CHRM3: variants seen among roughly 807,000 people sequenced by gnomAD.
The protein encoded by CHRM3 is muscarinic acetylcholine receptor M3.
A neutral mutation model predicts 41.8 loss-of-function variants in CHRM3; 11 were observed. The observed-to-expected ratio is 0.26, with a 90% CI of 0.17 to 0.44. The LOEUF (loss-of-function observed/expected upper bound fraction) is 0.44, where lower values mean the gene tolerates loss of function less well. Ranked by LOEUF, CHRM3 falls within the 20% of genes least tolerant of loss-of-function variation. The pLI is 1.00. For missense variants in CHRM3, 571 were observed against 745.4 expected, an observed-to-expected ratio of 0.77 and a Z score of 2.72; for synonymous variants, 297 against 301.4, an observed-to-expected ratio of 0.99 and a Z score of 0.15.
intron 6 of CHRM3, among the ~76,000 whole-genome samples, chr1:239,901,659 G>C (rs1679583027): frequency 6.6e-6 from 1 of 152,016 alleles, no homozygotes; most frequent in South Asian, 2.1e-4. Flanking sequence ...AGTATTTTTA[G>C]ATGGTTCTAA....
intron 6 of CHRM3, among the ~76,000 whole-genome samples, chr1:239,842,210 C>CTTT (rs11294705): frequency 7.8e-6 from 1 of 128,046 alleles, no homozygotes; most frequent in Non-Finnish European, 1.7e-5. Context: ...ACATGTACTT[C>CTTT]TTTTTTTTTT....
At chr1:239,780,163 A>T (rs1668403955) in intron 5 of CHRM3, among the ~76,000 whole-genome samples, 3 of 152,186 alleles carry the variant, frequency 2.0e-5, no homozygotes, top group Non-Finnish European at 4.4e-5. Flanking sequence ...TGATTGCCAG[A>T]TTGTATAGTT....
chr1:239,624,635 C>G (rs979269275), intron 3 of CHRM3, among the ~76,000 whole-genome samples: 8 of 150,488 alleles, frequency 5.3e-5, no homozygotes, highest in Non-Finnish European at 8.8e-5. Context: ...GGTTTTAGGT[C>G]TAACGTTTAA....
intron 1 of CHRM3, among the ~76,000 whole-genome samples, chr1:239,488,714 CAAAAAAAAAAAAAAAAAAAA>C (rs763682628): frequency 3.5e-4 from 16 of 46,222 alleles, no homozygotes; most frequent in South Asian, 2.9e-3. Flanking sequence ...GACTCCTTCT[CAAAAAAAAAAAAAAAAAAAA>C]AAAAAAAAAA....
chr1:239,758,606 T>C (rs187487507), intron 5 of CHRM3, among the ~76,000 whole-genome samples: 1 of 152,362 alleles, frequency 6.6e-6, no homozygotes, highest in East Asian at 1.9e-4. Flanking sequence ...ACTGAAATTA[T>C]TAAATGCTTG....
chr1:239,540,860 C>G (rs1195106945), intron 2 of CHRM3, among the ~76,000 whole-genome samples: 1 of 151,868 alleles, frequency 6.6e-6, no homozygotes, highest in East Asian at 1.9e-4. Flanking sequence ...AACTGTTTCC[C>G]TGATGTTGTG....
rs1041952099 is a variant in CHRM3, at chr1:239,824,580, T to C, written c.-146-2672T>C. On this transcript the variant is annotated intron_variant, in intron 5 of 6. Coordinates refer to ENST00000676153, the MANE Select transcript of CHRM3 (RefSeq NM_001375978.1). ...CAGTCTAAAACAATTCGCATATCTA[T>C]AAATTAGGATCACGTTTGTGTTCCT... 2.0e-5 allele frequency among the ~76,000 whole-genome samples: 3 copies of C among 152,340 alleles called. No individual in the cohort carries two copies. In the South Asian group the frequency reaches 6.2e-4, roughly 32 times the overall value.
At chr1:239,640,298 T>G (rs1408225003) in intron 4 of CHRM3, among the ~76,000 whole-genome samples, 1 of 152,148 alleles carries the variant, frequency 6.6e-6, no homozygotes, top group Non-Finnish European at 1.5e-5. Context: ...TTAGGGAGGA[T>G]TCTCTCTTTT....
intron 1 of CHRM3, among the ~76,000 whole-genome samples, chr1:239,481,255 C>T (rs527692661): frequency 6.6e-6 from 1 of 151,334 alleles, no homozygotes; most frequent in South Asian, 2.1e-4. Context: ...CAGATATACA[C>T]ACATAAAGAA....
At chr1:239,652,021 C>T (rs1163376302) in intron 4 of CHRM3, among the ~76,000 whole-genome samples, 1 of 150,942 alleles carries the variant, frequency 6.6e-6, no homozygotes, top group Non-Finnish European at 1.5e-5. Context: ...TACAAGGCCA[C>T]CAGCTATGCA....
chr1:239,620,385 C>T (rs1668224668), intron 3 of CHRM3, among the ~76,000 whole-genome samples: 1 of 152,116 alleles, frequency 6.6e-6, no homozygotes, highest in Non-Finnish European at 1.5e-5. Context: ...TAAATAGATA[C>T]ATCTGTGAAC....
intron 3 of CHRM3, chr1:239,629,619 G>A (rs141216951): frequency 1.8e-4 from 27 of 152,280 alleles, no homozygotes; most frequent in African/African-American, 6.5e-4. Context: ...ACTTTTGTGT[G>A]CACTGGGAAA....
rs183416314 is a variant in CHRM3 at position 239,636,359 on chromosome 1, G to A, written c.-250+4073G>A. ...TCCCGTGAAACAAAAGTCAGTCACT[G>A]TGCCAGGCATTTCCCTTAGCACATT... On this transcript the variant is annotated intron_variant, in intron 4 of 6. Coordinates refer to ENST00000676153, the MANE Select transcript of CHRM3 (RefSeq NM_001375978.1). Among the ~76,000 whole-genome samples the A allele has an allele frequency of 1.5e-4, 23 of 152,322 alleles. No individual in the cohort carries two copies. The East Asian group carries it at 4.4e-3, about 29-fold the overall frequency.
intron 3 of CHRM3, among the ~76,000 whole-genome samples, chr1:239,599,393 G>A (rs1200983005): frequency 2.7e-5 from 4 of 146,202 alleles, no homozygotes; most frequent in African/African-American, 5.0e-5. Context: ...AAATATTAAT[G>A]TTCTGCAGGG....
chr1:239,812,943 CG>C (rs1224728405), intron 5 of CHRM3, among the ~76,000 whole-genome samples: 1 of 152,180 alleles, frequency 6.6e-6, no homozygotes, highest in Non-Finnish European at 1.5e-5. Flanking sequence ...ATTTCCTGAA[CG>C]GTCTCTTGCA....
intron 5 of CHRM3, among the ~76,000 whole-genome samples, chr1:239,783,971 T>C (rs1280251465): frequency 6.6e-6 from 1 of 152,226 alleles, no homozygotes; most frequent in African/African-American, 2.4e-5. Flanking sequence ...TTTGGTATTC[T>C]GTTCCTGCAT....
intron 1 of CHRM3, among the ~76,000 whole-genome samples, chr1:239,482,650 C>A (rs1373229960): frequency 1.3e-5 from 2 of 152,172 alleles, no homozygotes; most frequent in Non-Finnish European, 2.9e-5. Context: ...ACCTAGCTCT[C>A]AACCGTAGAA....
At chr1:239,715,174 A>C (rs10802798) in intron 5 of CHRM3, among the ~76,000 whole-genome samples, 51,668 of 151,956 alleles carry the variant, frequency 0.34, 10,431 homozygotes, top group Middle Eastern at 0.49. Flanking sequence ...CCTTGGAAAT[A>C]TCAACTTCAA....
chr1:239,637,701 C>T (rs1286654733), intron 4 of CHRM3, among the ~76,000 whole-genome samples: 4 of 146,108 alleles, frequency 2.7e-5, no homozygotes, highest in Non-Finnish European at 6.0e-5. Flanking sequence ...CTGTGAGCTT[C>T]ACATTTTTCT....
Sources: allele counts gnomAD v4.1 joint callset (sites outside exome capture counted in the v4.1 genomes callset), GRCh38; gene constraint gnomAD v4.1.1; transcripts MANE v1.5; gene names NCBI Gene and HGNC (gene_info 2026-07-23, HGNC 2026-07-21).